Variants in CDK5RAP2 observed in about 807,000 individuals in gnomAD.
The protein encoded by CDK5RAP2 is CDK5 regulatory subunit associated protein 2.
In CDK5RAP2, 147 loss-of-function variants were observed where a neutral mutation model predicts 232.9. That is an observed-to-expected ratio of 0.63 (90% CI 0.55 to 0.72). The LOEUF is 0.72. Among genes scored for constraint, CDK5RAP2 ranks in the 30% least tolerant of loss-of-function variants. The pLI is 0.00. For synonymous variants in CDK5RAP2, 833 were observed against 833.7 expected (o/e 1.00, Z 0.01); for missense variants, 2,195 against 2,231.5 (o/e 0.98, Z 0.33).
chr9:120,518,229 G>C (rs1282392962), intron 12 of CDK5RAP2, among the ~76,000 whole-genome samples, 198 bp downstream of exon 12: 2 of 151,480 alleles, frequency 1.3e-5, no homozygotes, highest in African/African-American at 2.4e-5. Flanking sequence ...GAGAGAGAGA[G>C]AGAGAGAGAG....
At chr9:120,455,551 G>T (rs1375377116) in intron 20 of CDK5RAP2, among the ~76,000 whole-genome samples, 2 of 151,832 alleles carry the variant, frequency 1.3e-5, no homozygotes, top group Non-Finnish European at 2.9e-5. Context: ...GACCAGACTG[G>T]GCAACATGGT....
intron 16 of CDK5RAP2, 122 bp from the exon 17 acceptor site, chr9:120,470,342 G>A (rs1440194844): frequency 3.4e-5 from 21 of 610,916 alleles, no homozygotes; most frequent in Non-Finnish European, 5.9e-5. Flanking sequence ...GGGAGGTGGG[G>A]CGGAAGGGAG....
In CDK5RAP2 at chr9:120,389,279, C is replaced by T. The variant is rs1179812147; in HGVS notation, c.5639G>A (p.Gly1880Glu). 3 of 1,612,202 alleles carry T rather than the reference C, an allele frequency of 1.9e-6. No homozygotes were observed. The highest frequency in any genetic ancestry group is 2.5e-6 in the Non-Finnish European group (3 of 1,179,018). The change falls in exon 38 of 38, where the codon GGA becomes GAA. Residue 1880 changes from glycine to glutamate, a missense_variant. Gly to Glu is a moderately conservative substitution (Grantham distance 98, BLOSUM62 -2). Coordinates refer to ENST00000349780, the MANE Select transcript of CDK5RAP2 (RefSeq NM_018249.6). ...GGGACTGCATGTTCCTGGATGGGCT[C>T]CCCCAGGCCTAAGCTAGGAAAAGGA... is the stretch of plus-strand genomic sequence containing the variant. ...ARGNLELRPG[G>E]AHPGTCSPSR...
chr9:120,551,280 ATGAT>A (rs1360174542), intron 3 of CDK5RAP2, among the ~76,000 whole-genome samples: 1 of 152,244 alleles, frequency 6.6e-6, no homozygotes, highest in Non-Finnish European at 1.5e-5. Flanking sequence ...CTCTACAGTA[ATGAT>A]TGATTAAGGT....
At position 120,539,200 on chromosome 9, in the gene CDK5RAP2, G is replaced by T. The variant is rs770274869; in HGVS notation, c.384-36C>A. On this transcript the variant is annotated intron_variant, in intron 5 of 37. Coordinates refer to ENST00000349780, the MANE Select transcript of CDK5RAP2 (RefSeq NM_018249.6). Reference sequence around the variant, plus strand: ...AGGCACAGGGGTAAAACATGCAAGGGTGATGGTCTGATGGTTATTTCACAG... The same window carrying T: ...AGGCACAGGGGTAAAACATGCAAGGTTGATGGTCTGATGGTTATTTCACAG... The T allele has an allele frequency of 3.7e-6, 6 of 1,612,898 alleles. No individual in the cohort carries two copies. The South Asian group carries it at 5.5e-5, about 15-fold the overall frequency.
In CDK5RAP2 at chr9:120,496,350, C is replaced by A. The variant is rs2039235535; in HGVS notation, c.1312-4873G>T. Among the ~76,000 whole-genome samples the A allele has an allele frequency of 2.7e-5, 4 of 148,204 alleles. No individual in the cohort carries two copies. The South Asian group carries it at 6.4e-4, about 24-fold the overall frequency. Reference sequence around the variant, plus strand: ...GGAGGTGGGGGGGTCAGCCCCCCGCCCGGCCAGCCGCCCCGTCCGGGAGGG... The same window carrying A: ...GGAGGTGGGGGGGTCAGCCCCCCGCACGGCCAGCCGCCCCGTCCGGGAGGG... On this transcript the variant is annotated intron_variant, in intron 12 of 37. Transcript: ENST00000349780.
intron 3 of CDK5RAP2, among the ~76,000 whole-genome samples, chr9:120,562,390 T>C (rs1366984344): frequency 6.6e-6 from 1 of 152,108 alleles, no homozygotes; most frequent in Non-Finnish European, 1.5e-5. Flanking sequence ...ACTACACAAA[T>C]GAACCCCTGT....
chr9:120,417,967 A>G (rs916553666), intron 27 of CDK5RAP2, among the ~76,000 whole-genome samples: 6 of 152,240 alleles, frequency 3.9e-5, no homozygotes, highest in African/African-American at 1.2e-4. Context: ...CAGAAGGAAA[A>G]CTGCAATTCA....
chr9:120,527,151 A>G (rs2040939794), intron 10 of CDK5RAP2, among the ~76,000 whole-genome samples: 1 of 152,210 alleles, frequency 6.6e-6, no homozygotes, highest in South Asian at 2.1e-4. Flanking sequence ...AGGTTGCCAT[A>G]GTAAGGACAA....
At chr9:120,535,739 A>C (rs1359782546) in intron 7 of CDK5RAP2, among the ~76,000 whole-genome samples, 1 of 152,262 alleles carries the variant, frequency 6.6e-6, no homozygotes, top group East Asian at 1.9e-4. Context: ...AAGACTGCCT[A>C]AAGGACATAT....
chr9:120,445,407 T>C (rs2036130161), intron 22 of CDK5RAP2, among the ~76,000 whole-genome samples: 1 of 152,210 alleles, frequency 6.6e-6, no homozygotes, highest in South Asian at 2.1e-4. Context: ...GGCTCCTAAC[T>C]GCCTTCCTTC....
At chr9:120,548,239 A>T (rs1434942836) in intron 4 of CDK5RAP2, among the ~76,000 whole-genome samples, 2 of 152,254 alleles carry the variant, frequency 1.3e-5, no homozygotes, top group African/African-American at 2.4e-5. Flanking sequence ...AAAAATGCAG[A>T]AACATCCTTC....
intron 5 of CDK5RAP2, 71 bp downstream of exon 5, chr9:120,545,643 T>C (rs1381704352): frequency 3.6e-6 from 4 of 1,114,584 alleles, no homozygotes; most frequent in African/African-American, 3.1e-5. Context: ...CTTAGAAAAG[T>C]GTACGGCTCT....
At position 120,483,183 on chromosome 9, in the gene CDK5RAP2, G is replaced by A. The variant is rs552499063; in HGVS notation, c.1626+4111C>T. Among the ~76,000 whole-genome samples the A allele has an allele frequency of 4.3e-4, 65 of 152,302 alleles. 1 individual carries two copies. In the South Asian group the frequency reaches 9.9e-3, roughly 23 times the overall value. On this transcript the variant is annotated intron_variant, in intron 14 of 37. Coordinates refer to ENST00000349780, the MANE Select transcript of CDK5RAP2 (RefSeq NM_018249.6). ...AGATCTGCTGTGTGTCTGGCTCTGC[G>A]ACGTGTTCTCCACAGCCCTTGGAGT...
intron 3 of CDK5RAP2, among the ~76,000 whole-genome samples, chr9:120,563,199 G>A (rs979186678): frequency 1.3e-5 from 2 of 152,160 alleles, no homozygotes; most frequent in Non-Finnish European, 2.9e-5. Flanking sequence ...AAGGGAGAAA[G>A]GGTGTCCAGG....
chr9:120,412,652 T>C (rs1234103872), intron 28 of CDK5RAP2, among the ~76,000 whole-genome samples: 1 of 152,210 alleles, frequency 6.6e-6, no homozygotes, highest in East Asian at 1.9e-4. Context: ...GGTTTCTTGT[T>C]ACATGAGAAA....
At chr9:120,465,452 G>A (rs1289923616) in intron 18 of CDK5RAP2, among the ~76,000 whole-genome samples, 3 of 152,074 alleles carry the variant, frequency 2.0e-5, no homozygotes, top group African/African-American at 4.8e-5. Context: ...TGGTGTCTAC[G>A]TGAACTACCA....
chr9:120,518,026 C>T lies in CDK5RAP2; in HGVS notation c.1311+401G>A, dbSNP rs544071859. On this transcript the variant is annotated intron_variant, in intron 12 of 37. Coordinates refer to ENST00000349780, the MANE Select transcript of CDK5RAP2 (RefSeq NM_018249.6). ...AGAACTAGTTAAATAAACTGTAATACATCCAAGTGATGAAATATTATGCTG... is the reference window on the plus strand; with the variant it reads ...AGAACTAGTTAAATAAACTGTAATATATCCAAGTGATGAAATATTATGCTG... The T allele has an allele frequency of 5.4e-4, 131 of 242,720 alleles. 2 individuals are homozygous for T. Among genetic ancestry groups the T allele is most frequent in the African/African-American group, 2.7e-3 (121 of 44,820 alleles). 15.0% of individuals were successfully genotyped at this position (242,720 alleles called of 1,614,324 possible). A position where few individuals can be genotyped will look rare whatever the true frequency, so the allele number is the denominator to read the frequency against.
intron 1 of CDK5RAP2, among the ~76,000 whole-genome samples, chr9:120,577,234 T>C (rs1469661370): frequency 2.0e-5 from 3 of 152,038 alleles, no homozygotes; most frequent in East Asian, 3.9e-4. Context: ...TAGTGGGGCA[T>C]GCCTGTAGTC....
Sources: allele counts gnomAD v4.1 joint callset (sites outside exome capture counted in the v4.1 genomes callset), GRCh38; gene constraint gnomAD v4.1.1; transcripts MANE v1.5; gene names NCBI Gene and HGNC (gene_info 2026-07-23, HGNC 2026-07-21).